Variants in MOCOS observed in about 807,000 individuals in gnomAD.
MOCOS encodes molybdenum cofactor sulfurase.
Under a neutral mutation model 83.6 loss-of-function variants are expected in MOCOS, and 86 were observed. The ratio of observed to expected loss-of-function variants is 1.03; its 90% CI spans 0.86 to 1.23. The LOEUF (loss-of-function observed/expected upper bound fraction) is 1.23. Among genes scored for constraint, MOCOS ranks in the 50% most tolerant of loss-of-function variants. The probability of loss-of-function intolerance (pLI) is 0.00; values close to 1 mark genes in which losing one functional copy is unlikely to be tolerated. For synonymous variants in MOCOS, 445 were observed against 434.7 expected (o/e 1.02, Z -0.29); for missense variants, 1,120 against 1,126.9 (o/e 0.99, Z 0.09).
chr18:36,259,660 G>A (rs2091655560), intron 12 of MOCOS, among the ~76,000 whole-genome samples: 1 of 152,060 alleles, frequency 6.6e-6, no homozygotes, highest in Admixed American at 6.6e-5. Flanking sequence ...CCTGTTGACA[G>A]GTTTTTAAAT....
chr18:36,241,578 T>A (rs1262154065), intron 9 of MOCOS, among the ~76,000 whole-genome samples: 1 of 152,126 alleles, frequency 6.6e-6, no homozygotes. Flanking sequence ...CATTCTGGGG[T>A]CTGGAGGACA....
chr18:36,258,301 T>C (rs531468813), intron 12 of MOCOS, among the ~76,000 whole-genome samples: 1 of 152,320 alleles, frequency 6.6e-6, no homozygotes, highest in Admixed American at 6.5e-5. Context: ...CTCTGTGCTT[T>C]ATTTGCAAAT....
chr18:36,222,821 C>T (rs1312947336), intron 9 of MOCOS, among the ~76,000 whole-genome samples: 4 of 152,082 alleles, frequency 2.6e-5, no homozygotes, highest in Non-Finnish European at 5.9e-5. Flanking sequence ...AGGATGGTCT[C>T]GATTTCCTGA....
intron 7 of MOCOS, among the ~76,000 whole-genome samples, chr18:36,213,879 A>C (rs559028237): frequency 6.6e-6 from 1 of 151,170 alleles, no homozygotes; most frequent in East Asian, 2.0e-4. Context: ...CAGTGAGCCG[A>C]GATCGCACCA....
At chr18:36,232,231 T>C (rs1369479912) in intron 9 of MOCOS, among the ~76,000 whole-genome samples, 2 of 152,224 alleles carry the variant, frequency 1.3e-5, no homozygotes, top group Non-Finnish European at 2.9e-5. Flanking sequence ...TGCCTCGGCC[T>C]CTGAAATTGC....
rs2091603963 is a variant in MOCOS, at chr18:36,246,809, G to T, written c.1961-2113G>T. ...GATTGGCCTCCAGCCAGAAGGTGCT[G>T]CTTTCAAGAGAGCACCAGCTGCAGC... On this transcript the variant is annotated intron_variant, in intron 9 of 14. Coordinates refer to ENST00000261326, the MANE Select transcript of MOCOS (RefSeq NM_017947.4). 3.3e-5 allele frequency among the ~76,000 whole-genome samples: 5 copies of T among 152,328 alleles called. No individual in the cohort carries two copies. In the South Asian group the frequency reaches 1.0e-3, roughly 32 times the overall value.
Position 36,271,406 on chromosome 18 carries a change from G to A in MOCOS, c.*2721G>A, listed in dbSNP as rs1368717309. ...ATTTTAAATGCATTTTTTCTTTAGTGTCTACCTTCAATATTTCTTGTATGA... is the reference window on the plus strand; with the variant it reads ...ATTTTAAATGCATTTTTTCTTTAGTATCTACCTTCAATATTTCTTGTATGA... On this transcript the variant is annotated 3_prime_UTR_variant, in exon 15 of 15. Transcript: ENST00000261326. 6.6e-6 allele frequency: 1 copy of A among 151,874 alleles called. No individual in the cohort carries two copies. The highest frequency in any genetic ancestry group is 2.4e-5 in the African/African-American group (1 of 41,376). The allele number at this position is 151,874 out of a possible 1,614,324, so 9.4% of individuals were successfully genotyped here. A position where few individuals can be genotyped will look rare whatever the true frequency, so the allele number is the denominator to read the frequency against.
rs1314844068 is a variant in MOCOS, at chr18:36,200,122, C to G, written c.739C>G (p.Pro247Ala). 6.2e-7 allele frequency: 1 copy of G among 1,614,222 alleles called. No homozygotes were observed. Among genetic ancestry groups the G allele is most frequent in the Non-Finnish European group, 8.5e-7 (1 of 1,180,032 alleles). ...TGCAGCCTCCTACGTGAGCACCTCG[C>G]CTTTGGACCTGTCAGCTCACCAGGC... ...LDAASYVSTS[P>A]LDLSAHQADF... The change falls in exon 4 of 15, where the codon CCT (proline) becomes GCT (alanine). Residue 247 changes from proline (P) to alanine (A), a missense_variant. Pro to Ala is a conservative substitution (Grantham distance 27, BLOSUM62 -1). Coordinates refer to ENST00000261326, the MANE Select transcript of MOCOS (RefSeq NM_017947.4).
chr18:36,226,588 G>A (rs1210689069), intron 9 of MOCOS, among the ~76,000 whole-genome samples: 1 of 151,676 alleles, frequency 6.6e-6, no homozygotes, highest in Non-Finnish European at 1.5e-5. Context: ...GTTGTTTTCT[G>A]TTAGTCTTAT....
intron 9 of MOCOS, among the ~76,000 whole-genome samples, chr18:36,233,046 T>A (rs2091544414): frequency 6.6e-6 from 1 of 152,122 alleles, no homozygotes; most frequent in South Asian, 2.1e-4. Context: ...ACTTCAATAG[T>A]TTTTGGGAAA....
intron 11 of MOCOS, among the ~76,000 whole-genome samples, chr18:36,256,279 T>A (rs921986395): frequency 6.6e-6 from 1 of 152,170 alleles, no homozygotes; most frequent in Non-Finnish European, 1.5e-5. Flanking sequence ...TTTTCCCTGA[T>A]TAGATTCAGA....
chr18:36,209,949 C>A (rs753923495), intron 6 of MOCOS, among the ~76,000 whole-genome samples: 1 of 152,072 alleles, frequency 6.6e-6, no homozygotes, highest in Non-Finnish European at 1.5e-5. Context: ...ATTAATCTGC[C>A]CACCTTGGCC....
chr18:36,191,548 A>G lies in MOCOS; in HGVS notation c.143-3709A>G, dbSNP rs572548389. Among the ~76,000 whole-genome samples, 15 of 152,306 alleles carry G rather than the reference A, an allele frequency of 9.8e-5. No individual in the cohort carries two copies. In the South Asian group the frequency reaches 2.3e-3, roughly 23 times the overall value. Reference sequence around the variant, plus strand: ...CGCCTTGACCTCTTGGGCTTAAGCTATCCTCTTGCCTCAGCCTCCCAAGTA... The same window carrying G: ...CGCCTTGACCTCTTGGGCTTAAGCTGTCCTCTTGCCTCAGCCTCCCAAGTA... On this transcript the variant is annotated intron_variant, in intron 1 of 14. Transcript: ENST00000261326.
chr18:36,193,854 C>A (rs548159249), intron 1 of MOCOS, among the ~76,000 whole-genome samples: 1 of 152,262 alleles, frequency 6.6e-6, no homozygotes, highest in South Asian at 2.1e-4. Flanking sequence ...GTATTCATAC[C>A]AGCAATCATT....
At chr18:36,211,115 G>A (rs911761677) in intron 6 of MOCOS, among the ~76,000 whole-genome samples, 9 of 152,058 alleles carry the variant, frequency 5.9e-5, no homozygotes, top group Non-Finnish European at 1.3e-4. Context: ...GTGCAGTTAC[G>A]GTTTTTTCAG....
At chr18:36,262,250 TAC>T (rs71168212) in intron 13 of MOCOS, among the ~76,000 whole-genome samples, 1 of 127,820 alleles carries the variant, frequency 7.8e-6, no homozygotes, top group African/African-American at 3.0e-5. Flanking sequence ...CGTCTCTCTC[TAC>T]ACACACACAC....
At position 36,200,207 on chromosome 18, in the gene MOCOS, T is replaced by A. The variant is rs1204071471; in HGVS notation, c.824T>A (p.Leu275Gln). The change falls in exon 4 of 15, where the codon CTG becomes CAG. Residue 275 changes from leucine (L) to glutamine (Q), a missense_variant. Physicochemically the swap from Leu to Gln is moderately radical, Grantham distance 113. Transcript: ENST00000261326. ...GGGTTTCCTACAGGCCTGGGCGCTC[T>A]GCTGGTCCATAATCGTGCGGCTCCT... is the stretch of plus-strand genomic sequence containing the variant. ...IFGFPTGLGA[L>Q]LVHNRAAPLL... 2.5e-6 allele frequency: 4 copies of A among 1,614,218 alleles called. No individual in the cohort carries two copies. The South Asian group carries it at 4.4e-5, about 18-fold the overall frequency.
intron 1 of MOCOS, among the ~76,000 whole-genome samples, chr18:36,188,303 T>G (rs1000119799): frequency 6.6e-6 from 1 of 152,246 alleles, no homozygotes; most frequent in Non-Finnish European, 1.5e-5. Flanking sequence ...ACTAGAAGAA[T>G]TAGCAAACAG....
chr18:36,200,720 G>A (rs116807087), intron 4 of MOCOS, among the ~76,000 whole-genome samples: 32 of 152,316 alleles, frequency 2.1e-4, no homozygotes, highest in African/African-American at 7.5e-4. Context: ...TTAAAAGGTG[G>A]CACCATTTGG....
Sources: gnomAD v4.1 joint callset for allele counts (sites outside exome capture counted in the v4.1 genomes callset) on GRCh38, gnomAD v4.1.1 for gene constraint, MANE v1.5 for transcripts, NCBI Gene and HGNC (gene_info 2026-07-23, HGNC 2026-07-21) for gene names.